CPNE4: variants seen among roughly 807,000 people sequenced by gnomAD.
CPNE4 encodes the protein copine 4, also known as copine-4.
In CPNE4, 25 loss-of-function variants were observed where a neutral mutation model predicts 67.9. The observed-to-expected ratio is 0.37, with a 90% confidence interval of 0.27 to 0.51. The LOEUF (loss-of-function observed/expected upper bound fraction) is 0.51, where lower values mean the gene tolerates loss of function less well. CPNE4 is among the 20% of genes least tolerant of loss of function. The probability of loss-of-function intolerance (pLI) is 0.93; values close to 1 mark genes in which losing one functional copy is unlikely to be tolerated. For missense variants in CPNE4, 464 were observed against 690.8 expected (o/e 0.67, Z 3.68); for synonymous variants, 242 against 244.9 (o/e 0.99, Z 0.11).
chr3:131,804,122 C>T (rs2084226480), intron 2 of CPNE4, among the ~76,000 whole-genome samples: 1 of 152,128 alleles, frequency 6.6e-6, no homozygotes, highest in Non-Finnish European at 1.5e-5. Context: ...AGTTGAAATT[C>T]TCTTTTACCA....
chr3:131,605,022 A>C (rs1296817108), intron 7 of CPNE4, among the ~76,000 whole-genome samples: 1 of 152,182 alleles, frequency 6.6e-6, no homozygotes, highest in African/African-American at 2.4e-5. Context: ...CTCTAAGTAC[A>C]TCTCATTTAA....
chr3:131,642,072 T>C (rs1262221461), intron 7 of CPNE4, among the ~76,000 whole-genome samples: 1 of 152,176 alleles, frequency 6.6e-6, no homozygotes, highest in Non-Finnish European at 1.5e-5. Flanking sequence ...GCTCGAGTGA[T>C]GGTTGATGCA....
chr3:131,846,789 G>A (rs2086014926), intron 2 of CPNE4, among the ~76,000 whole-genome samples: 1 of 152,292 alleles, frequency 6.6e-6, no homozygotes, highest in East Asian at 1.9e-4. Context: ...GTTTCAGATG[G>A]CAGGCTGAGC....
intron 1 of CPNE4, among the ~76,000 whole-genome samples, chr3:131,989,711 T>G (rs1025728454): frequency 7.3e-6 from 1 of 136,574 alleles, no homozygotes; most frequent in African/African-American, 2.5e-5. Flanking sequence ...GAGGTGGTGA[T>G]AGGTGAGGAA....
chr3:131,615,329 T>A (rs1940073397), intron 7 of CPNE4, among the ~76,000 whole-genome samples: 1 of 152,240 alleles, frequency 6.6e-6, no homozygotes, highest in South Asian at 2.1e-4. Flanking sequence ...TCTCATGGAA[T>A]GTATCTAAAG....
intron 7 of CPNE4, among the ~76,000 whole-genome samples, chr3:131,605,507 G>T (rs1939450070): frequency 6.6e-6 from 1 of 152,066 alleles, no homozygotes; most frequent in African/African-American, 2.4e-5. Flanking sequence ...GCATTCCATA[G>T]AATTATTTGG....
At chr3:132,032,761 C>T (rs2074263614) in intron 1 of CPNE4, among the ~76,000 whole-genome samples, 1 of 152,084 alleles carries the variant, frequency 6.6e-6, no homozygotes, top group Admixed American at 6.5e-5. Flanking sequence ...AGCAGCAGCT[C>T]GGTAAGGGAA....
intron 2 of CPNE4, among the ~76,000 whole-genome samples, chr3:131,766,339 T>C (rs2083014711): frequency 6.6e-6 from 1 of 152,180 alleles, no homozygotes; most frequent in Non-Finnish European, 1.5e-5. Flanking sequence ...TACTTCTTTA[T>C]AATTATCCCC....
intron 2 of CPNE4, among the ~76,000 whole-genome samples, chr3:131,759,514 C>T (rs1022890928): frequency 3.3e-5 from 5 of 152,144 alleles, no homozygotes; most frequent in African/African-American, 1.2e-4. Flanking sequence ...CATCAACTGT[C>T]CTTCCCCTGC....
At chr3:131,970,212 T>C (rs753120) in intron 1 of CPNE4, among the ~76,000 whole-genome samples, 69,439 of 152,060 alleles carry the variant, frequency 0.46, 17,089 homozygotes, top group African/African-American at 0.65. Flanking sequence ...GAGATGAAGC[T>C]TCACTTATCT....
chr3:131,669,442 T>C (rs1357623461), intron 7 of CPNE4, among the ~76,000 whole-genome samples: 2 of 152,150 alleles, frequency 1.3e-5, no homozygotes. Context: ...TCAGAAGACA[T>C]GGGTTTTGCC....
intron 7 of CPNE4, among the ~76,000 whole-genome samples, chr3:131,665,192 C>T (rs997260172): frequency 6.6e-6 from 1 of 152,006 alleles, no homozygotes; most frequent in African/African-American, 2.4e-5. Context: ...AAGACTCTGT[C>T]TCTACAGAAA....
intron 1 of CPNE4, among the ~76,000 whole-genome samples, chr3:131,996,099 C>A (rs1261611463): frequency 1.3e-5 from 2 of 152,140 alleles, no homozygotes; most frequent in Non-Finnish European, 2.9e-5. Context: ...AGCTTTCTTC[C>A]CTCTTGAAGT....
At chr3:131,657,883 G>A (rs1048788298) in intron 7 of CPNE4, among the ~76,000 whole-genome samples, 3 of 152,018 alleles carry the variant, frequency 2.0e-5, no homozygotes, top group African/African-American at 7.2e-5. Context: ...ATATTTTTAA[G>A]ATCAAGCACC....
intron 2 of CPNE4, among the ~76,000 whole-genome samples, chr3:131,852,742 T>C (rs2086285351): frequency 1.3e-5 from 2 of 151,614 alleles, no homozygotes. Flanking sequence ...ACTCAGAAAG[T>C]CCCATAGAAT....
chr3:131,817,718 CA>C (rs1183286496), intron 2 of CPNE4, among the ~76,000 whole-genome samples: 2 of 152,160 alleles, frequency 1.3e-5, no homozygotes, highest in Non-Finnish European at 2.9e-5. Flanking sequence ...GGAAAGAAGC[CA>C]GGGGGCCCAC....
intron 1 of CPNE4, among the ~76,000 whole-genome samples, chr3:131,928,917 G>A (rs1206444899): frequency 6.6e-6 from 1 of 152,198 alleles, no homozygotes; most frequent in African/African-American, 2.4e-5. Flanking sequence ...TACCATAAGT[G>A]AGGAGGCTCT....
intron 2 of CPNE4, among the ~76,000 whole-genome samples, chr3:131,802,156 G>A (rs1183893460): frequency 1.3e-5 from 2 of 152,080 alleles, no homozygotes; most frequent in Non-Finnish European, 2.9e-5. Flanking sequence ...CCTTTCCAAC[G>A]GGCACCAGAG....
chr3:131,942,463 TGAGAGAGAGAGAGA>T (rs59277847), intron 1 of CPNE4, among the ~76,000 whole-genome samples: 3,827 of 70,728 alleles, frequency 0.054, 80 homozygotes, highest in South Asian at 0.064. Flanking sequence ...TGTGTGTGTG[TGAGAGAGAGAGAGA>T]GAGAGAGAGA....
Sources: allele counts gnomAD v4.1 joint callset (sites outside exome capture counted in the v4.1 genomes callset), GRCh38; gene constraint gnomAD v4.1.1; transcripts MANE v1.5; gene names NCBI Gene and HGNC (gene_info 2026-07-23, HGNC 2026-07-21).